The following THAP12 variants were observed in gnomAD, a reference collection of about 807,000 sequenced individuals.
THAP12 encodes THAP domain containing 12, also known as 52 kDa repressor of the inhibitor of the protein kinase.
THAP12 carries 20 observed loss-of-function variants against 63.0 expected under a neutral mutation model. The ratio of observed to expected loss-of-function variants is 0.32; its 90% CI spans 0.22 to 0.46. The LOEUF (loss-of-function observed/expected upper bound fraction) is 0.46. THAP12 is among the 20% of genes least tolerant of loss of function. The probability of loss-of-function intolerance (pLI) is 1.00; values close to 1 mark genes in which losing one functional copy is unlikely to be tolerated. For synonymous variants in THAP12, 264 were observed against 328.4 expected (o/e 0.80, Z 2.12); for missense variants, 568 against 908.2 (o/e 0.63, Z 4.81).
At chr11:76,357,030 G>A (rs548069747) in intron 3 of THAP12, 8 of 150,144 alleles carry the variant, frequency 5.3e-5, no homozygotes, top group African/African-American at 2.0e-4. Flanking sequence ...CAACAAGAGC[G>A]AGACTCTGTC....
At chr11:76,355,880 G>A in intron 3 of THAP12, 2 of 365,958 alleles carry the variant, frequency 5.5e-6, no homozygotes, top group Non-Finnish European at 9.7e-6. Flanking sequence ...AGGGAAAAAA[G>A]AATACATCAT....
intron 1 of THAP12, among the ~76,000 whole-genome samples, chr11:76,366,796 T>C (rs1946634461): frequency 6.6e-6 from 1 of 152,054 alleles, no homozygotes; most frequent in African/African-American, 2.4e-5. Flanking sequence ...TCTACAGTAA[T>C]ACGTGCTGAC....
chr11:76,371,875 C>G (rs535337753), intron 1 of THAP12, among the ~76,000 whole-genome samples: 2 of 134,640 alleles, frequency 1.5e-5, no homozygotes, highest in Non-Finnish European at 3.1e-5. Context: ...TGCAGTGGCA[C>G]AATCTTGGCT....
At chr11:76,353,870 G>A (rs552683900) in intron 4 of THAP12, among the ~76,000 whole-genome samples, 7 of 152,294 alleles carry the variant, frequency 4.6e-5, no homozygotes, top group East Asian at 3.9e-4. Context: ...TTAGCTGGGC[G>A]TGGTGGCACA....
At chr11:76,359,620 G>A (rs1181576741) in intron 3 of THAP12, 1 of 152,232 alleles carries the variant, frequency 6.6e-6, no homozygotes, top group Non-Finnish European at 1.5e-5. Flanking sequence ...TTGAGGTCAG[G>A]AGTTGGAGAC....
At chr11:76,365,393 G>GA (rs997672705) in intron 2 of THAP12, among the ~76,000 whole-genome samples, 2 of 151,518 alleles carry the variant, frequency 1.3e-5, no homozygotes, top group African/African-American at 2.4e-5. Context: ...ATCATTTTGA[G>GA]TTTTTTTTCC....
At position 76,352,444 on chromosome 11, in the gene THAP12, T is replaced by C; in HGVS notation, c.706A>G (p.Arg236Gly). Residue 236 changes from arginine to glycine, a missense_variant, in exon 5 of 5, where the codon AGG becomes GGG. Transcript: ENST00000260045. ...CTCTCACAGATCTCTAGCATCTGCC[T>C]CTGCTGTGTTTTTGAACAAAACAAC... ...NTLFCSKTQQRQMLEICESCI... is the reference protein window; with the variant it reads ...NTLFCSKTQQGQMLEICESCI... 2 of 1,612,004 alleles carry C rather than the reference T, an allele frequency of 1.2e-6. No individual in the cohort carries two copies. The highest frequency in any genetic ancestry group is 1.7e-6 in the Non-Finnish European group (2 of 1,179,832).
At chr11:76,373,578 CG>C (rs754189202) in intron 1 of THAP12, among the ~76,000 whole-genome samples, 1 of 151,672 alleles carries the variant, frequency 6.6e-6, no homozygotes, top group Non-Finnish European at 1.5e-5. Flanking sequence ...AAAAATTAGC[CG>C]GGGGTTGTGA....
At position 76,352,108 on chromosome 11, in the gene THAP12, A is replaced by G. The variant is rs1183926655; in HGVS notation, c.1042T>C (p.Leu348=). ...SKMKVVASRL[L]EKYPQAIYTL... ...TAGATAGCTTGGGGATATTTCTCTA[A>G]AAGTCTAGAAGCAACAACTTTCATT... is the stretch of plus-strand genomic sequence containing the variant. The change falls in exon 5 of 5, where the codon TTA becomes CTA. Residue 348 remains leucine, a synonymous_variant. Coordinates refer to ENST00000260045, the MANE Select transcript of THAP12 (RefSeq NM_004705.4). 1 of 1,611,808 alleles carries G rather than the reference A, an allele frequency of 6.2e-7. No homozygotes were observed. The highest frequency in any genetic ancestry group is 1.1e-5 in the South Asian group (1 of 90,980).
At chr11:76,368,084 T>A (rs1271941470) in intron 1 of THAP12, among the ~76,000 whole-genome samples, 1 of 152,198 alleles carries the variant, frequency 6.6e-6, no homozygotes, top group Non-Finnish European at 1.5e-5. Context: ...TTTTTTAAAT[T>A]CTTAAATCTC....
intron 3 of THAP12, chr11:76,359,273 C>CA: frequency 6.6e-6 from 1 of 152,174 alleles, no homozygotes; most frequent in East Asian, 1.9e-4. Flanking sequence ...ATATTCTTTT[C>CA]AAAAAACTAG....
At position 76,351,617 on chromosome 11, in the gene THAP12, G is replaced by A. The variant is rs151320237; in HGVS notation, c.1533C>T (p.Ala511=). The change falls in exon 5 of 5, where the codon GCC becomes GCT. Residue 511 remains alanine (A), a synonymous_variant. Coordinates refer to ENST00000260045, the MANE Select transcript of THAP12 (RefSeq NM_004705.4). ...QGQTSDVFFA[A]GSLTAVLHSL... ...AATGCAGTACTGCAGTCAAGCTACC[G>A]GCCGCAAAGAAGACATCAGAGGTTT... 4.3e-5 allele frequency: 68 copies of A among 1,584,304 alleles called. No homozygotes were observed. The African/African-American group carries it at 4.5e-4, about 10-fold the overall frequency.
At position 76,370,516 on chromosome 11, in the gene THAP12, C is replaced by G. The variant is rs576235249; in HGVS notation, c.90-4544G>C. 7.9e-5 allele frequency among the ~76,000 whole-genome samples: 12 copies of G among 152,108 alleles called. No individual in the cohort carries two copies. The East Asian group carries it at 2.3e-3, about 30-fold the overall frequency. The stretch of plus-strand genomic sequence containing the variant: ...TAGCTGGGACTACAGGCACACGCCA[C>G]CATGCCTGGCTAACTTTTTGTATTT... On this transcript the variant is annotated intron_variant, in intron 1 of 4. Transcript: ENST00000260045.
intron 1 of THAP12, among the ~76,000 whole-genome samples, chr11:76,369,384 C>G (rs540461071): frequency 5.3e-5 from 8 of 152,296 alleles, no homozygotes; most frequent in African/African-American, 1.7e-4. Flanking sequence ...GCAGAAGAAG[C>G]CAGGAGTACA....
chr11:76,355,753 G>T, intron 3 of THAP12, 99 bp from the exon 4 acceptor site: 1 of 950,094 alleles, frequency 1.1e-6, no homozygotes, highest in Non-Finnish European at 1.5e-6. Context: ...CCTATTCTGA[G>T]TCAATTTAAT....
rs144532918 is a variant in THAP12, at chr11:76,367,811, CACTT to C, written c.90-1843_90-1840del. ...CTCCCCCCAACATACATGCCCCTGACACTTAATTCTCTCTACTCTAAAAATGTCA... is the reference window on the plus strand; with the variant it reads ...CTCCCCCCAACATACATGCCCCTGACAATTCTCTCTACTCTAAAAATGTCA... On this transcript the variant is annotated intron_variant, in intron 1 of 4. Transcript: ENST00000260045. Among the ~76,000 whole-genome samples, 28 of 152,212 alleles carry C rather than the reference CACTT, an allele frequency of 1.8e-4. No homozygotes were observed. In the East Asian group the frequency reaches 5.2e-3, roughly 28 times the overall value.
Position 76,351,425 on chromosome 11 carries a change from T to C in THAP12, c.1725A>G (p.Lys575=), listed in dbSNP as rs1264462241. 6.2e-7 allele frequency: 1 copy of C among 1,603,900 alleles called. No homozygotes were observed. Among genetic ancestry groups the C allele is most frequent in the East Asian group, 2.2e-5 (1 of 44,686 alleles). ...CCACTGTTGGGACACTTAGGGTTTCTTTATAGTAACTCTCAGAGGTTAGCT... is the reference window on the plus strand; with the variant it reads ...CCACTGTTGGGACACTTAGGGTTTCCTTATAGTAACTCTCAGAGGTTAGCT... The part of the protein sequence containing the change: ...ESQLTSESYY[K]ETLSVPTVEH... The change falls in exon 5 of 5, where the codon AAA becomes AAG. Residue 575 remains lysine (K), a synonymous_variant. Coordinates refer to ENST00000260045, the MANE Select transcript of THAP12 (RefSeq NM_004705.4).
intron 1 of THAP12, among the ~76,000 whole-genome samples, chr11:76,375,601 A>G (rs1162782058): frequency 6.6e-6 from 1 of 152,184 alleles, no homozygotes; most frequent in Non-Finnish European, 1.5e-5. Flanking sequence ...CATGGAATTT[A>G]TAACTGATGA....
intron 4 of THAP12, 63 bp downstream of exon 4, chr11:76,355,555 C>G (rs1459433993): frequency 7.1e-7 from 1 of 1,417,378 alleles, no homozygotes; most frequent in African/African-American, 1.4e-5. Context: ...TTTATTTGTC[C>G]TTACCAGGTC....
Sources: gnomAD v4.1 joint callset for allele counts (sites outside exome capture counted in the v4.1 genomes callset) on GRCh38, gnomAD v4.1.1 for gene constraint, MANE v1.5 for transcripts, NCBI Gene and HGNC (gene_info 2026-07-23, HGNC 2026-07-21) for gene names.